The following ACOXL variants were observed in gnomAD, a reference collection of about 807,000 sequenced individuals.
The protein encoded by ACOXL is acyl-coenzyme A oxidase-like protein.
In ACOXL, 70 loss-of-function variants were observed where a neutral mutation model predicts 71.9. The ratio of observed to expected loss-of-function variants is 0.97; its 90% CI spans 0.80 to 1.19. ACOXL has a LOEUF of 1.19. ACOXL is among the 50% of genes most tolerant of loss of function. ACOXL has a pLI of 0.00. For missense variants in ACOXL, 703 were observed against 736.3 expected (o/e 0.95, Z 0.52); for synonymous variants, 253 against 281.6 (o/e 0.90, Z 1.02).
chr2:111,000,864 A>T (rs1212864019), intron 14 of ACOXL, among the ~76,000 whole-genome samples: 1 of 152,222 alleles, frequency 6.6e-6, no homozygotes, highest in African/African-American at 2.4e-5. Context: ...ATAAGGTCAC[A>T]TTCACAGGTA....
At chr2:110,880,642 A>G (rs1244823459) in intron 10 of ACOXL, among the ~76,000 whole-genome samples, 1 of 152,168 alleles carries the variant, frequency 6.6e-6, no homozygotes, top group Non-Finnish European at 1.5e-5. Context: ...AACATTGCCA[A>G]ACTGCTCTGC....
At chr2:110,928,822 G>T (rs1325484888) in intron 11 of ACOXL, among the ~76,000 whole-genome samples, 1 of 152,170 alleles carries the variant, frequency 6.6e-6, no homozygotes, top group Non-Finnish European at 1.5e-5. Flanking sequence ...TAGTGAATAA[G>T]TCTCATGAGA....
chr2:110,949,367 A>G (rs951921081), intron 12 of ACOXL, among the ~76,000 whole-genome samples: 1 of 140,748 alleles, frequency 7.1e-6, no homozygotes, highest in Non-Finnish European at 1.5e-5. Flanking sequence ...CCGGGCATCA[A>G]CTGGTTTCTG....
At chr2:111,083,821 C>G (rs1253834780) in intron 16 of ACOXL, among the ~76,000 whole-genome samples, 2 of 152,162 alleles carry the variant, frequency 1.3e-5, no homozygotes, top group Admixed American at 6.6e-5. Flanking sequence ...GACCTGTTAG[C>G]TCTTTCCTGC....
At chr2:110,966,056 A>T (rs2061914308) in intron 12 of ACOXL, among the ~76,000 whole-genome samples, 1 of 152,088 alleles carries the variant, frequency 6.6e-6, no homozygotes, top group Non-Finnish European at 1.5e-5. Flanking sequence ...GCCGTTGACA[A>T]TTTCTGCCTC....
intron 7 of ACOXL, among the ~76,000 whole-genome samples, chr2:110,800,212 G>A (rs756464208): frequency 2.6e-5 from 4 of 152,202 alleles, no homozygotes; most frequent in Non-Finnish European, 5.9e-5. Context: ...AAGGTCTGTG[G>A]CTTCATTCTT....
rs2059658596 is a variant in ACOXL, at chr2:110,911,735, G to GA, written c.905+2835dup. ...TCTTTACCCGATTAAAGTCATCTGTGAAAAACCCACAGTTAACATCATATG... is the reference window on the plus strand; with the variant it reads ...TCTTTACCCGATTAAAGTCATCTGTGAAAAAACCCACAGTTAACATCATATG... On this transcript the variant is annotated intron_variant, in intron 11 of 17. Transcript: ENST00000439055. Among the ~76,000 whole-genome samples, 4 of 152,130 alleles carry GA rather than the reference G, an allele frequency of 2.6e-5. No homozygotes were observed. The South Asian group carries it at 8.3e-4, about 32-fold the overall frequency.
chr2:110,906,210 C>T (rs2059435604), intron 10 of ACOXL, among the ~76,000 whole-genome samples: 1 of 152,018 alleles, frequency 6.6e-6, no homozygotes, highest in South Asian at 2.1e-4. Context: ...AAAGAGTTCG[C>T]CATAGAAACA....
At chr2:110,848,719 G>A (rs929505880) in intron 10 of ACOXL, among the ~76,000 whole-genome samples, 7 of 152,102 alleles carry the variant, frequency 4.6e-5, no homozygotes, top group South Asian at 4.1e-4. Flanking sequence ...CTCTGACCAC[G>A]TGACCATTTC....
intron 1 of ACOXL, among the ~76,000 whole-genome samples, chr2:110,748,719 CA>C (rs1678551644): frequency 6.6e-6 from 1 of 152,158 alleles, no homozygotes. Context: ...GCTGTGGGTG[CA>C]GCTGCGGTGT....
At chr2:110,895,984 C>T (rs2058993283) in intron 10 of ACOXL, among the ~76,000 whole-genome samples, 1 of 152,110 alleles carries the variant, frequency 6.6e-6, no homozygotes, top group African/African-American at 2.4e-5. Context: ...ATACAATAGA[C>T]TTTCCATCTC....
At chr2:110,861,573 G>A (rs948816768) in intron 10 of ACOXL, among the ~76,000 whole-genome samples, 2 of 151,226 alleles carry the variant, frequency 1.3e-5, no homozygotes, top group African/African-American at 4.9e-5. Context: ...ATCTAACCCC[G>A]GCTATGTTGT....
At chr2:111,070,730 G>A (rs2067302190) in intron 16 of ACOXL, among the ~76,000 whole-genome samples, 1 of 151,992 alleles carries the variant, frequency 6.6e-6, no homozygotes, top group African/African-American at 2.4e-5. Context: ...ACTTCTTGTA[G>A]ATGGGTTTTC....
At chr2:110,785,833 A>G (rs55875504) in intron 3 of ACOXL, among the ~76,000 whole-genome samples, 2,478 of 152,266 alleles carry the variant, frequency 0.016, 34 homozygotes, top group Non-Finnish European at 0.026. Flanking sequence ...AACTTTAAAG[A>G]GTAGTGTTAA....
chr2:110,867,688 C>T (rs568867358), intron 10 of ACOXL, among the ~76,000 whole-genome samples: 2 of 152,044 alleles, frequency 1.3e-5, no homozygotes, highest in Admixed American at 6.5e-5. Flanking sequence ...GGAGTCTTTG[C>T]GTTTTAGAAA....
intron 1 of ACOXL, among the ~76,000 whole-genome samples, chr2:110,761,840 T>C (rs1049763109): frequency 6.6e-6 from 1 of 152,234 alleles, no homozygotes; most frequent in Non-Finnish European, 1.5e-5. Context: ...TTAGGTGTTC[T>C]CTCTCAGCCT....
intron 17 of ACOXL, among the ~76,000 whole-genome samples, chr2:111,097,681 A>T (rs6759108): frequency 2.6e-5 from 4 of 152,132 alleles, no homozygotes; most frequent in South Asian, 2.1e-4. Flanking sequence ...CACAGGAAGG[A>T]GCCAACTGAG....
At chr2:110,800,093 C>T (rs1343942205) in intron 7 of ACOXL, among the ~76,000 whole-genome samples, 2 of 152,208 alleles carry the variant, frequency 1.3e-5, no homozygotes, top group Non-Finnish European at 2.9e-5. Flanking sequence ...GCAGTGGCAA[C>T]CCGCGCTACT....
intron 15 of ACOXL, among the ~76,000 whole-genome samples, chr2:111,037,922 A>G (rs2065598381): frequency 6.6e-6 from 1 of 152,214 alleles, no homozygotes; most frequent in South Asian, 2.1e-4. Flanking sequence ...TATTTATGGT[A>G]AAGTTAGCAC....
Sources: allele counts gnomAD v4.1 joint callset (sites outside exome capture counted in the v4.1 genomes callset), GRCh38; gene constraint gnomAD v4.1.1; transcripts MANE v1.5; gene names NCBI Gene and HGNC (gene_info 2026-07-23, HGNC 2026-07-21).